SHQ1: variants seen among roughly 807,000 people sequenced by gnomAD.
SHQ1 encodes protein SHQ1 homolog.
A neutral mutation model predicts 53.8 loss-of-function variants in SHQ1; 49 were observed. The observed-to-expected ratio is 0.91, with a 90% CI of 0.72 to 1.16. SHQ1 has a LOEUF of 1.16. SHQ1 is among the 50% of genes most tolerant of loss of function. SHQ1 has a pLI of 0.00. For synonymous variants in SHQ1, 243 were observed against 251.0 expected (o/e 0.97, Z 0.30); for missense variants, 738 against 683.1 (o/e 1.08, Z -0.90).
intron 5 of SHQ1, among the ~76,000 whole-genome samples, chr3:72,828,319 G>C (rs529935143): frequency 6.6e-6 from 1 of 152,226 alleles, no homozygotes; most frequent in South Asian, 2.1e-4. Flanking sequence ...CTAGTCTGAG[G>C]AGATAAGCAA....
At chr3:72,761,871 G>T (rs1705616841) in intron 10 of SHQ1, among the ~76,000 whole-genome samples, 1 of 152,108 alleles carries the variant, frequency 6.6e-6, no homozygotes. Context: ...AGTTTCCCCT[G>T]GTTCACAATT....
At chr3:72,846,032 G>T (rs548464118) in intron 1 of SHQ1, among the ~76,000 whole-genome samples, 38 of 152,202 alleles carry the variant, frequency 2.5e-4, no homozygotes, top group Non-Finnish European at 4.6e-4. Flanking sequence ...TTCTGTAAAG[G>T]GGGGAAATAA....
rs760765627 is a variant in SHQ1 at position 72,750,587 on chromosome 3, T to G, written c.1431A>C (p.Gln477His). Residue 477 changes from glutamine to histidine, a missense_variant, in exon 11 of 11, where the codon CAA becomes CAC. Transcript: ENST00000325599. ...CAGATGGACTATCTTTGAGTTCATC[T>G]TGTTCTGAATCTGAGCCTGAGTCTT... Reference protein sequence around the residue: ...GNEDSGSDSEQDELKDSPSET... With the variant: ...GNEDSGSDSEHDELKDSPSET... The G allele has an allele frequency of 1.9e-6, 3 of 1,614,232 alleles. No individual in the cohort carries two copies. The highest frequency in any genetic ancestry group is 2.2e-5 in the South Asian group (2 of 91,088).
intron 1 of SHQ1, among the ~76,000 whole-genome samples, chr3:72,847,494 G>A (rs986801033): frequency 7.2e-5 from 11 of 152,128 alleles, no homozygotes; most frequent in African/African-American, 2.2e-4. Flanking sequence ...AGCACTTAAC[G>A]GAACTGCTTG....
Position 72,750,594 on chromosome 3 carries a change from G to C in SHQ1, c.1424C>G (p.Ser475Ter), listed in dbSNP as rs1385696743. The C allele has an allele frequency of 6.2e-7, 1 of 1,614,216 alleles. No homozygotes were observed. Among genetic ancestry groups the C allele is most frequent in the Non-Finnish European group, 8.5e-7 (1 of 1,180,040 alleles). Residue 475 changes from serine to a stop codon, truncating the protein, a stop_gained, in exon 11 of 11, where the codon TCA becomes TGA. Transcript: ENST00000325599. LOFTEE classifies it low-confidence loss of function (END_TRUNC). ...SSGNEDSGSDSEQDELKDSPS... is the reference protein window; with the variant it reads ...SSGNEDSGSD Reference sequence around the variant, plus strand: ...ACTATCTTTGAGTTCATCTTGTTCTGAATCTGAGCCTGAGTCTTCGTTTCC... The same window carrying C: ...ACTATCTTTGAGTTCATCTTGTTCTCAATCTGAGCCTGAGTCTTCGTTTCC...
chr3:72,808,166 T>C (rs887777338), intron 9 of SHQ1, among the ~76,000 whole-genome samples: 1 of 152,096 alleles, frequency 6.6e-6, no homozygotes, highest in African/African-American at 2.4e-5. Context: ...CTTGGTAGTA[T>C]GGTGGTTAAG....
chr3:72,822,945 C>A (rs1178251427), intron 6 of SHQ1, among the ~76,000 whole-genome samples: 1 of 152,124 alleles, frequency 6.6e-6, no homozygotes, highest in East Asian at 1.9e-4. Flanking sequence ...GTCAGGAGAT[C>A]GAGACCATCC....
At chr3:72,791,086 A>T (rs1706419193) in intron 10 of SHQ1, among the ~76,000 whole-genome samples, 2 of 152,198 alleles carry the variant, frequency 1.3e-5, no homozygotes, top group African/African-American at 4.8e-5. Flanking sequence ...CTCTCTAGCT[A>T]ATAAAGAATA....
the SHQ1 span, among the ~76,000 whole-genome samples, chr3:72,729,618 G>A: frequency 6.6e-6 from 1 of 152,112 alleles, no homozygotes. Flanking sequence ...CATTAAGTTT[G>A]TTTTCATTAA....
intron 10 of SHQ1, chr3:72,753,755 A>T (rs2106704543): frequency 2.2e-6 from 1 of 464,734 alleles, no homozygotes; most frequent in East Asian, 1.6e-4. Context: ...ATCTTTTATC[A>T]GTCTGAGGCA....
At chr3:72,805,362 A>T (rs1302734526) in intron 9 of SHQ1, among the ~76,000 whole-genome samples, 1 of 152,210 alleles carries the variant, frequency 6.6e-6, no homozygotes, top group East Asian at 1.9e-4. Flanking sequence ...AATATACAAT[A>T]GGACTTTGAT....
chr3:72,812,359 T>C (rs1707151517), intron 9 of SHQ1, among the ~76,000 whole-genome samples: 1 of 152,206 alleles, frequency 6.6e-6, no homozygotes, highest in South Asian at 2.1e-4. Flanking sequence ...CCATAGAGCC[T>C]AGAAGATTAT....
At chr3:72,740,831 G>T in the SHQ1 span, among the ~76,000 whole-genome samples, 1 of 152,026 alleles carries the variant, frequency 6.6e-6, no homozygotes, top group African/African-American at 2.4e-5. Context: ...TCACCCTCTC[G>T]CCTGTATCTT....
At chr3:72,823,148 CAAAAAA>C (rs772618429) in intron 6 of SHQ1, among the ~76,000 whole-genome samples, 2 of 76,270 alleles carry the variant, frequency 2.6e-5, no homozygotes, top group Non-Finnish European at 5.3e-5. Flanking sequence ...GACTCCGTCT[CAAAAAA>C]AAAAAAAAAA....
chr3:72,732,409 C>CCTTCCTTCCTTCCTTT, the SHQ1 span, among the ~76,000 whole-genome samples: 1 of 144,168 alleles, frequency 6.9e-6, no homozygotes, highest in African/African-American at 2.6e-5. Context: ...TTCCTTCCTT[C>CCTTCCTTCCTTCCTTT]CTTCCTTCCT....
chr3:72,844,397 T>C lies in SHQ1; in HGVS notation c.170A>G (p.Glu57Gly), dbSNP rs770455363. ...ATAGGACCCTTGCTCACTTCCATTT[T>C]CTACAATTCTTCCAGGAAGGGTTAA... is the stretch of plus-strand genomic sequence containing the variant. ...LRLTLPGRIV[E>G]NGSEQGSYDA... The change falls in exon 2 of 11, where the codon GAA becomes GGA. Residue 57 changes from glutamate (E) to glycine (G), a missense_variant. Transcript: ENST00000325599. 2.5e-6 allele frequency: 4 copies of C among 1,613,878 alleles called. No individual in the cohort carries two copies. The East Asian group carries it at 6.7e-5, about 27-fold the overall frequency.
At chr3:72,786,439 T>C (rs1706235525) in intron 10 of SHQ1, among the ~76,000 whole-genome samples, 1 of 152,196 alleles carries the variant, frequency 6.6e-6, no homozygotes, top group Non-Finnish European at 1.5e-5. Context: ...ACTTCTTTCC[T>C]ATCCCTTCTG....
At chr3:72,798,468 C>T (rs989558503) in intron 9 of SHQ1, among the ~76,000 whole-genome samples, 2 of 152,088 alleles carry the variant, frequency 1.3e-5, no homozygotes, top group African/African-American at 4.8e-5. Context: ...CACAGAGAAA[C>T]GTAATGACAA....
intron 4 of SHQ1, among the ~76,000 whole-genome samples, chr3:72,838,264 T>G (rs1404414565): frequency 1.3e-5 from 2 of 152,252 alleles, no homozygotes; most frequent in African/African-American, 4.8e-5. Flanking sequence ...GATCCCAGTA[T>G]TGCACATATG....
Sources: gnomAD v4.1 joint callset for allele counts (sites outside exome capture counted in the v4.1 genomes callset) on GRCh38, gnomAD v4.1.1 for gene constraint, MANE v1.5 for transcripts, NCBI Gene and HGNC (gene_info 2026-07-23, HGNC 2026-07-21) for gene names.